The following AKAP6 variants were observed in gnomAD, a reference collection of about 807,000 sequenced individuals.
AKAP6 encodes A-kinase anchoring protein 6, also known as A-kinase anchor protein 6.
In AKAP6, 58 loss-of-function variants were observed where a neutral mutation model predicts 188.5. The ratio of observed to expected loss-of-function variants is 0.31; its 90% CI spans 0.25 to 0.38. The LOEUF (loss-of-function observed/expected upper bound fraction) is 0.38, where lower values mean the gene tolerates loss of function less well. Ranked by LOEUF, AKAP6 falls within the 10% of genes least tolerant of loss-of-function variation. The pLI, the probability that AKAP6 is intolerant of heterozygous loss-of-function variation, is 1.00. For synonymous variants in AKAP6, 989 were observed against 998.6 expected, an observed-to-expected ratio of 0.99 and a Z score of 0.18; for missense variants, 2,710 against 2,740.0, an observed-to-expected ratio of 0.99 and a Z score of 0.24.
Position 32,414,285 on chromosome 14 carries a change from G to A in AKAP6, c.-34-19175G>A, listed in dbSNP as rs577701944. Among the ~76,000 whole-genome samples, 7 of 152,212 alleles carry A rather than the reference G, an allele frequency of 4.6e-5. No individual in the cohort carries two copies. In the East Asian group the frequency reaches 1.3e-3, roughly 29 times the overall value. ...CCAAAGTGTATACCAGGGAGTGCTG[G>A]TTCTGTTAATAAAGAAATGTATGTT... On this transcript the variant is annotated intron_variant, in intron 1 of 13. Coordinates refer to ENST00000280979, the MANE Select transcript of AKAP6 (RefSeq NM_004274.5).
In AKAP6 at chr14:32,540,192, A is replaced by ATTTTTT. The variant is rs1555338084; in HGVS notation, c.576+4391_576+4392insTTTTTT. 4.8e-3 allele frequency among the ~76,000 whole-genome samples: 589 copies of ATTTTTT among 123,410 alleles called. 4 individuals carry two copies. Among genetic ancestry groups the ATTTTTT allele is most frequent in the Non-Finnish European group, 6.8e-3 (402 of 59,028 alleles). The allele number at this position is 123,410 out of a possible 152,430, so 81.0% of individuals were successfully genotyped here. ...TCTATATATATATATATATATATATATTTTAATTTTTTATTTTTTTTTTTG... is the reference window on the plus strand; with the variant it reads ...TCTATATATATATATATATATATATATTTTTTTTTTAATTTTTTATTTTTTTTTTTG... On this transcript the variant is annotated intron_variant, in intron 3 of 13. Transcript: ENST00000280979.
intron 1 of AKAP6, among the ~76,000 whole-genome samples, chr14:32,370,142 C>T (rs1887961731): frequency 6.6e-6 from 1 of 152,242 alleles, no homozygotes; most frequent in Admixed American, 6.5e-5. Context: ...CCATATGATG[C>T]TTGGCATTTT....
intron 2 of AKAP6, among the ~76,000 whole-genome samples, chr14:32,456,813 T>C (rs1479976846): frequency 1.3e-5 from 2 of 152,240 alleles, no homozygotes; most frequent in African/African-American, 4.8e-5. Context: ...TTTATGCATT[T>C]TTAATCAAAG....
chr14:32,529,662 GA>G (rs1882306453), intron 2 of AKAP6, among the ~76,000 whole-genome samples: 1 of 152,156 alleles, frequency 6.6e-6, no homozygotes, highest in Admixed American at 6.5e-5. Flanking sequence ...CTCCTTTACT[GA>G]GAGGGATAGT....
chr14:32,391,769 A>G (rs1393367126), intron 1 of AKAP6, among the ~76,000 whole-genome samples: 1 of 152,192 alleles, frequency 6.6e-6, no homozygotes, highest in African/African-American at 2.4e-5. Context: ...AAGTTTACTG[A>G]TGCTCCCCAG....
chr14:32,605,028 T>C (rs576764707), intron 7 of AKAP6, among the ~76,000 whole-genome samples: 13 of 152,290 alleles, frequency 8.5e-5, no homozygotes, highest in South Asian at 6.2e-4. Flanking sequence ...CCTGGATCTA[T>C]GTGTTCACAT....
At chr14:32,346,186 C>T (rs1355948322) in intron 1 of AKAP6, among the ~76,000 whole-genome samples, 2 of 152,080 alleles carry the variant, frequency 1.3e-5, no homozygotes, top group African/African-American at 4.8e-5. Context: ...GTAAAGGTGC[C>T]CATGATGCAG....
chr14:32,400,962 A>G (rs549063885), intron 1 of AKAP6, among the ~76,000 whole-genome samples: 5 of 152,310 alleles, frequency 3.3e-5, no homozygotes, highest in Admixed American at 2.0e-4. Context: ...TACGATCTAA[A>G]TCTACCAGAA....
chr14:32,637,601 A>G (rs914401670), intron 7 of AKAP6, among the ~76,000 whole-genome samples: 2 of 152,128 alleles, frequency 1.3e-5, no homozygotes, highest in African/African-American at 4.8e-5. Context: ...GTAGATTGGT[A>G]TAATGAACCA....
chr14:32,763,799 T>A (rs2032618295), intron 11 of AKAP6, among the ~76,000 whole-genome samples: 1 of 152,214 alleles, frequency 6.6e-6, no homozygotes, highest in Admixed American at 6.5e-5. Flanking sequence ...AATCTCTATA[T>A]TGGCTGACGT....
intron 2 of AKAP6, among the ~76,000 whole-genome samples, chr14:32,532,272 C>T (rs1882454427): frequency 1.3e-5 from 2 of 152,068 alleles, no homozygotes; most frequent in South Asian, 2.1e-4. Context: ...GTTTATTTGC[C>T]ATCATTATAT....
chr14:32,453,752 G>A (rs977847591), intron 2 of AKAP6, among the ~76,000 whole-genome samples: 9 of 150,462 alleles, frequency 6.0e-5, no homozygotes, highest in South Asian at 2.1e-4. Flanking sequence ...GCCCGCCACT[G>A]CGCCCGGCTA....
At chr14:32,710,341 G>A (rs1594870379) in intron 9 of AKAP6, among the ~76,000 whole-genome samples, 2 of 152,042 alleles carry the variant, frequency 1.3e-5, no homozygotes, top group Admixed American at 1.3e-4. Flanking sequence ...CAGTTTCCTT[G>A]GCTTATTGTT....
intron 2 of AKAP6, among the ~76,000 whole-genome samples, chr14:32,462,901 C>CAA (rs71143943): frequency 0.032 from 286 of 8,820 alleles, 29 homozygotes; most frequent in Middle Eastern, 0.1. Context: ...AAATGGAAAG[C>CAA]AAAAAAAAAA....
At chr14:32,626,030 C>T (rs1198907094) in intron 7 of AKAP6, among the ~76,000 whole-genome samples, 6 of 152,102 alleles carry the variant, frequency 3.9e-5, no homozygotes, top group African/African-American at 9.7e-5. Flanking sequence ...TTTACAAATA[C>T]GTGGAAGCAC....
chr14:32,613,750 C>A (rs1045528614), intron 7 of AKAP6, among the ~76,000 whole-genome samples: 10 of 152,088 alleles, frequency 6.6e-5, no homozygotes, highest in African/African-American at 1.9e-4. Flanking sequence ...TCACACTGAC[C>A]ACTTTTTTGA....
chr14:32,373,454 A>G (rs936066771), intron 1 of AKAP6: 2 of 152,210 alleles, frequency 1.3e-5, no homozygotes, highest in Non-Finnish European at 2.9e-5. Flanking sequence ...CAGCTGATCC[A>G]TCAAGTGCAG....
At chr14:32,818,908 A>G (rs1014315583) in intron 12 of AKAP6, among the ~76,000 whole-genome samples, 1 of 152,202 alleles carries the variant, frequency 6.6e-6, no homozygotes, top group Admixed American at 6.5e-5. Context: ...TAATTCAATT[A>G]TTTATTAGCA....
intron 2 of AKAP6, among the ~76,000 whole-genome samples, chr14:32,485,973 C>T (rs1300393129): frequency 1.3e-5 from 2 of 152,176 alleles, no homozygotes; most frequent in South Asian, 4.1e-4. Flanking sequence ...AATCTTCAAT[C>T]CATCTTGAGT....
Sources: gnomAD v4.1 joint callset for allele counts (sites outside exome capture counted in the v4.1 genomes callset) on GRCh38, gnomAD v4.1.1 for gene constraint, MANE v1.5 for transcripts, NCBI Gene and HGNC (gene_info 2026-07-23, HGNC 2026-07-21) for gene names.